The following EPB41 variants were observed in gnomAD, a reference collection of about 807,000 sequenced individuals.
EPB41 encodes protein 4.1.
A neutral mutation model predicts 108.0 loss-of-function variants in EPB41; 65 were observed. The observed-to-expected ratio is 0.60, with a 90% confidence interval of 0.49 to 0.74. The LOEUF (loss-of-function observed/expected upper bound fraction) is 0.74. Ranked by LOEUF, EPB41 falls within the 30% of genes least tolerant of loss-of-function variation. The pLI, the probability that EPB41 is intolerant of heterozygous loss-of-function variation, is 0.00. For synonymous variants in EPB41, 336 were observed against 358.9 expected, an observed-to-expected ratio of 0.94 and a Z score of 0.72; for missense variants, 875 against 1,037.0, an observed-to-expected ratio of 0.84 and a Z score of 2.15.
intron 20 of EPB41, among the ~76,000 whole-genome samples, chr1:29,116,147 TCTC>T (rs1670869638): frequency 2.7e-5 from 2 of 74,852 alleles, no homozygotes; most frequent in South Asian, 4.5e-4. Flanking sequence ...GTCACAGGTC[TCTC>T]TTTTTTTTTT....
intron 1 of EPB41, among the ~76,000 whole-genome samples, chr1:28,976,116 CTG>C (rs2095603228): frequency 6.6e-6 from 1 of 152,024 alleles, no homozygotes; most frequent in Non-Finnish European, 1.5e-5. Context: ...ATCTGAAGTA[CTG>C]TGTTTTACAG....
intron 1 of EPB41, among the ~76,000 whole-genome samples, chr1:28,986,791 C>G (rs2095877634): frequency 2.0e-5 from 3 of 152,056 alleles, no homozygotes; most frequent in South Asian, 4.1e-4. Context: ...AAAAGGGATA[C>G]CTCTGAAAGA....
At chr1:29,058,889 AT>A in intron 14 of EPB41, 37 bp downstream of exon 14, 1 of 1,512,620 alleles carries the variant, frequency 6.6e-7, no homozygotes, top group Non-Finnish European at 9.0e-7. Context: ...CTACATTGCC[AT>A]TTCACCCATG....
At chr1:28,934,186 T>G (rs1485699317) in intron 1 of EPB41, among the ~76,000 whole-genome samples, 1 of 152,174 alleles carries the variant, frequency 6.6e-6, no homozygotes, top group Admixed American at 6.6e-5. Flanking sequence ...TGTGTGATGT[T>G]TTTGTCATTA....
rs2096602430 is a variant in EPB41 at position 29,018,297 on chromosome 1, T to A, written c.979T>A (p.Leu327Ile). 2 of 1,614,168 alleles carry A rather than the reference T, an allele frequency of 1.2e-6. No homozygotes were observed. The highest frequency in any genetic ancestry group is 1.7e-6 in the Non-Finnish European group (2 of 1,180,032). Residue 327 changes from leucine to isoleucine, a missense_variant, in exon 7 of 21, where the codon TTA (leucine) becomes ATA (isoleucine). Transcript: ENST00000343067. The surrounding 1 kb of genome is among the most constrained non-coding windows in gnomAD (Gnocchi z 4.4). ...RLPCSFATLA[L>I]LGSYTIQSEL... is the part of the protein sequence containing the mutation. ...GCCCTGTTCCTTTGCAACCTTAGCA[T>A]TATTAGGTTCTTACACCATCCAGTC...
chr1:28,917,850 T>C (rs930272006), intron 1 of EPB41, among the ~76,000 whole-genome samples: 5 of 151,194 alleles, frequency 3.3e-5, no homozygotes, highest in African/African-American at 4.9e-5. Flanking sequence ...TCACCTCTGC[T>C]TCCAAAAGTG....
intron 16 of EPB41, among the ~76,000 whole-genome samples, chr1:29,066,388 C>CAA (rs1647815863): frequency 6.6e-6 from 1 of 151,780 alleles, no homozygotes; most frequent in South Asian, 2.1e-4. Flanking sequence ...CACTGCACTC[C>CAA]AGACTGGGCA....
intron 16 of EPB41, among the ~76,000 whole-genome samples, chr1:29,077,559 A>G (rs1654600742): frequency 6.6e-6 from 1 of 152,230 alleles, no homozygotes; most frequent in South Asian, 2.1e-4. Context: ...TCTAAAATAC[A>G]TTGCAGAGAG....
In EPB41 at chr1:29,052,164, A is replaced by G. The variant is rs539075996; in HGVS notation, c.1637-940A>G. On this transcript the variant is annotated intron_variant, in intron 11 of 20. Coordinates refer to ENST00000343067, the MANE Select transcript of EPB41 (RefSeq NM_001376013.1). ...TCTTTGAAAAGATCAAGATTTTATC[A>G]TAAGTCTGTATAGTTTATTCTCTCT... Among the ~76,000 whole-genome samples the G allele has an allele frequency of 2.6e-5, 4 of 152,340 alleles. No individual in the cohort carries two copies. In the South Asian group the frequency reaches 8.3e-4, roughly 32 times the overall value.
intron 16 of EPB41, among the ~76,000 whole-genome samples, chr1:29,067,095 C>T (rs947426362): frequency 2.0e-5 from 3 of 151,506 alleles, no homozygotes; most frequent in Non-Finnish European, 2.9e-5. Context: ...TGGCTCACAC[C>T]TATAGTCCTA....
chr1:29,048,894 T>G (rs921984891), intron 11 of EPB41, among the ~76,000 whole-genome samples: 1 of 152,198 alleles, frequency 6.6e-6, no homozygotes, highest in African/African-American at 2.4e-5. Context: ...GTATAAAAAG[T>G]GGAAATATGT....
At chr1:29,013,530 T>G (rs756152137) in intron 5 of EPB41, among the ~76,000 whole-genome samples, 29 of 152,162 alleles carry the variant, frequency 1.9e-4, no homozygotes, top group Admixed American at 3.9e-4. Flanking sequence ...TTTGTTTGTT[T>G]ATTTGTTTGT....
intron 1 of EPB41, among the ~76,000 whole-genome samples, chr1:28,891,905 C>A (rs755306069): frequency 6.6e-5 from 10 of 151,856 alleles, no homozygotes; most frequent in Non-Finnish European, 1.3e-4. Context: ...CTGGCTAACA[C>A]GGTGAAACCC....
rs150870918 is a variant in EPB41 at position 29,098,233 on chromosome 1, C to T, written c.2313+298C>T. Among the ~76,000 whole-genome samples, 467 of 152,170 alleles carry T rather than the reference C, an allele frequency of 3.1e-3. 3 individuals carry two copies. Among genetic ancestry groups the T allele is most frequent in the African/African-American group, 0.011 (441 of 41,522 alleles). On this transcript the variant is annotated intron_variant, in intron 17 of 20. Coordinates refer to ENST00000343067, the MANE Select transcript of EPB41 (RefSeq NM_001376013.1). The stretch of plus-strand genomic sequence containing the variant: ...TTTTTGAGACAGAGTCTCGCTCTGT[C>T]GCCCAGGCTGGAGTGCAGTGGCGCA...
At position 28,905,116 on chromosome 1, in the gene EPB41, T is replaced by G. The variant is rs142040249; in HGVS notation, c.-8+17906T>G. 4.3e-3 allele frequency among the ~76,000 whole-genome samples: 639 copies of G among 150,104 alleles called. 5 individuals are homozygous for G. Among genetic ancestry groups the G allele is most frequent in the African/African-American group, 0.015 (606 of 40,658 alleles). The stretch of plus-strand genomic sequence containing the variant: ...TGGGAGGCTGAGGCATGAGACTAGC[T>G]AGAACCCGGGAGATGGAGGTTGCAG... On this transcript the variant is annotated intron_variant, in intron 1 of 16. Transcript: ENST00000347529.
intron 1 of EPB41, chr1:28,982,362 T>G: frequency 1.4e-6 from 1 of 699,392 alleles, no homozygotes; most frequent in Non-Finnish European, 2.7e-6. Context: ...CTCGTCGGGC[T>G]TTGGGCATTA....
chr1:29,024,874 C>G (rs138756015), intron 7 of EPB41, among the ~76,000 whole-genome samples: 3 of 152,156 alleles, frequency 2.0e-5, no homozygotes, highest in Non-Finnish European at 4.4e-5. Flanking sequence ...ATTTAGGAGT[C>G]TGTCATCTTG....
intron 11 of EPB41, 114 bp from the exon 12 acceptor site, chr1:29,052,990 C>A: frequency 2.6e-6 from 3 of 1,147,200 alleles, no homozygotes; most frequent in South Asian, 2.6e-5. Flanking sequence ...TAGCCCACTA[C>A]ACACTCTAAC....
intron 1 of EPB41, among the ~76,000 whole-genome samples, chr1:28,946,772 C>T (rs974805592): frequency 2.6e-5 from 4 of 152,150 alleles, no homozygotes; most frequent in African/African-American, 9.7e-5. Context: ...AGATAGCTGA[C>T]TGGTTTAAAT....
Sources: allele counts gnomAD v4.1 joint callset (sites outside exome capture counted in the v4.1 genomes callset), GRCh38; gene constraint gnomAD v4.1.1; non-coding constraint Gnocchi (gnomAD v3.1); transcripts MANE v1.5; gene names NCBI Gene and HGNC (gene_info 2026-07-23, HGNC 2026-07-21).